The following LIN7A variants were observed in gnomAD, a reference collection of about 807,000 sequenced individuals.
The protein encoded by LIN7A is lin-7 cell polarity scaffold A.
In LIN7A, 25 loss-of-function variants were observed where a neutral mutation model predicts 29.8. The observed-to-expected ratio is 0.84, with a 90% CI of 0.61 to 1.17. The LOEUF (loss-of-function observed/expected upper bound fraction) is 1.17, where lower values mean the gene tolerates loss of function less well. LIN7A is among the 50% of genes most tolerant of loss of function. The pLI is 0.00. For missense variants in LIN7A, 239 were observed against 287.0 expected, an observed-to-expected ratio of 0.83 and a Z score of 1.21; for synonymous variants, 118 against 107.5, an observed-to-expected ratio of 1.10 and a Z score of -0.60.
intron 1 of LIN7A, among the ~76,000 whole-genome samples, chr12:80,898,783 C>A (rs539374182): frequency 1.4e-4 from 21 of 152,056 alleles, no homozygotes; most frequent in Admixed American, 3.3e-4. Context: ...TGGCTCTCAG[C>A]TTGAATGTTG....
intron 4 of LIN7A, among the ~76,000 whole-genome samples, chr12:80,829,535 TAAGG>T (rs1872243788): frequency 1.3e-5 from 2 of 152,170 alleles, no homozygotes; most frequent in Admixed American, 6.6e-5. Context: ...GGAAAAATCA[TAAGG>T]AAGGATTATG....
At chr12:80,894,722 A>C (rs997913285) in intron 1 of LIN7A, among the ~76,000 whole-genome samples, 1 of 152,198 alleles carries the variant, frequency 6.6e-6, no homozygotes, top group Admixed American at 6.5e-5. Flanking sequence ...TGGTTCACAA[A>C]TGCACTCTAC....
At chr12:80,875,713 A>G (rs1015029305) in intron 2 of LIN7A, among the ~76,000 whole-genome samples, 1 of 152,172 alleles carries the variant, frequency 6.6e-6, no homozygotes, top group Non-Finnish European at 1.5e-5. Flanking sequence ...TCTTCCATGG[A>G]CCCAACAAAT....
At chr12:80,825,409 C>T (rs1296009061) in intron 4 of LIN7A, among the ~76,000 whole-genome samples, 3 of 152,122 alleles carry the variant, frequency 2.0e-5, no homozygotes, top group African/African-American at 7.2e-5. Flanking sequence ...GAAAGAGTAC[C>T]CATAATCAGA....
intron 1 of LIN7A, among the ~76,000 whole-genome samples, chr12:80,899,000 G>C (rs575332404): frequency 1.3e-5 from 2 of 151,850 alleles, no homozygotes; most frequent in Non-Finnish European, 2.9e-5. Context: ...CTCATTGCTC[G>C]GGCTAATCCA....
At chr12:80,874,564 G>A (rs1450851279) in intron 2 of LIN7A, among the ~76,000 whole-genome samples, 2 of 152,048 alleles carry the variant, frequency 1.3e-5, no homozygotes, top group East Asian at 3.8e-4. Flanking sequence ...GGCAAAGAAA[G>A]GACAAAAAGG....
At chr12:80,871,584 T>C (rs1313066771) in intron 2 of LIN7A, among the ~76,000 whole-genome samples, 2 of 152,066 alleles carry the variant, frequency 1.3e-5, no homozygotes, top group Non-Finnish European at 2.9e-5. Flanking sequence ...TAAGCATGTT[T>C]TTCTAACCAT....
intron 2 of LIN7A, among the ~76,000 whole-genome samples, chr12:80,882,798 T>A (rs1447886303): frequency 6.6e-6 from 1 of 152,198 alleles, no homozygotes; most frequent in East Asian, 1.9e-4. Flanking sequence ...TCAAGGTATG[T>A]AATCTGCTAT....
At chr12:80,840,061 C>T (rs1383888196) in intron 4 of LIN7A, among the ~76,000 whole-genome samples, 1 of 152,074 alleles carries the variant, frequency 6.6e-6, no homozygotes, top group Non-Finnish European at 1.5e-5. Flanking sequence ...TATATTTTAT[C>T]TTTCTATCCT....
intron 2 of LIN7A, among the ~76,000 whole-genome samples, chr12:80,866,731 T>G (rs2120457385): frequency 6.6e-6 from 1 of 152,196 alleles, no homozygotes; most frequent in East Asian, 1.9e-4. Context: ...TGAGAAAAAC[T>G]AATAACATGA....
intron 5 of LIN7A, among the ~76,000 whole-genome samples, chr12:80,806,784 G>A (rs560848352): frequency 4.5e-4 from 69 of 152,264 alleles, no homozygotes; most frequent in Non-Finnish European, 6.8e-4. Context: ...ATGTAATTAA[G>A]AGCTAATGTA....
chr12:80,934,592 C>T (rs1878106078), intron 1 of LIN7A, among the ~76,000 whole-genome samples: 1 of 152,078 alleles, frequency 6.6e-6, no homozygotes, highest in Non-Finnish European at 1.5e-5. Flanking sequence ...AATTTCGATC[C>T]CTAGCTTTGA....
At chr12:80,892,094 A>G (rs1196142418) in intron 1 of LIN7A, among the ~76,000 whole-genome samples, 2 of 152,142 alleles carry the variant, frequency 1.3e-5, no homozygotes, top group Non-Finnish European at 2.9e-5. Context: ...TTGTTCACTC[A>G]TCTATTATAA....
intron 4 of LIN7A, chr12:80,832,729 A>G (rs1872427938): frequency 2.3e-6 from 1 of 425,976 alleles, no homozygotes; most frequent in Non-Finnish European, 4.6e-6. Context: ...AGTCCATTCT[A>G]TTCATATTTA....
intron 2 of LIN7A, among the ~76,000 whole-genome samples, chr12:80,864,343 A>G (rs1874030901): frequency 6.6e-6 from 1 of 152,040 alleles, no homozygotes; most frequent in Non-Finnish European, 1.5e-5. Flanking sequence ...AAAAGAAATG[A>G]ATCACTTTAT....
chr12:80,937,009 C>G (rs1340100154), intron 1 of LIN7A: 1 of 152,166 alleles, frequency 6.6e-6, no homozygotes, highest in Non-Finnish European at 1.5e-5. Flanking sequence ...GAGAGCCGAT[C>G]TCGGCTGCTG....
chr12:80,875,776 GTTATGA>G (rs1285820404), intron 2 of LIN7A, among the ~76,000 whole-genome samples: 1 of 152,142 alleles, frequency 6.6e-6, no homozygotes, highest in Admixed American at 6.5e-5. Flanking sequence ...CTAATTTTCT[GTTATGA>G]TTATAATAGA....
At chr12:80,873,179 C>A (rs1874506939) in intron 2 of LIN7A, among the ~76,000 whole-genome samples, 1 of 152,020 alleles carries the variant, frequency 6.6e-6, no homozygotes, top group South Asian at 2.1e-4. Flanking sequence ...AGAAAAATAA[C>A]CTAATCTATT....
chr12:80,868,960 C>A (rs990741860), intron 2 of LIN7A, among the ~76,000 whole-genome samples: 2 of 152,026 alleles, frequency 1.3e-5, no homozygotes, highest in African/African-American at 4.8e-5. Flanking sequence ...ATCTCAACTG[C>A]TCTGCACTTG....
Sources: allele counts gnomAD v4.1 joint callset (sites outside exome capture counted in the v4.1 genomes callset), GRCh38; gene constraint gnomAD v4.1.1; transcripts MANE v1.5; gene names NCBI Gene and HGNC (gene_info 2026-07-23, HGNC 2026-07-21).